The following KCNN3 variants were observed in gnomAD, a reference collection of about 807,000 sequenced individuals.
KCNN3 encodes small conductance calcium-activated potassium channel protein 3.
A neutral mutation model predicts 62.9 loss-of-function variants in KCNN3; 16 were observed. The observed-to-expected ratio is 0.25, with a 90% CI of 0.17 to 0.39. The LOEUF (loss-of-function observed/expected upper bound fraction) is 0.39, where lower values mean the gene tolerates loss of function less well. Among genes scored for constraint, KCNN3 ranks in the 10% least tolerant of loss-of-function variants. The probability of loss-of-function intolerance (pLI) is 1.00; values close to 1 mark genes in which losing one functional copy is unlikely to be tolerated. For missense variants in KCNN3, 599 were observed against 949.4 expected (o/e 0.63, Z 4.85); for synonymous variants, 370 against 389.2 (o/e 0.95, Z 0.58).
chr1:154,788,310 T>A (rs1197016498), intron 2 of KCNN3, among the ~76,000 whole-genome samples: 1 of 152,204 alleles, frequency 6.6e-6, no homozygotes, highest in African/African-American at 2.4e-5. Flanking sequence ...GCTGGCCATG[T>A]TGGAAGCACC....
chr1:154,732,210 C>T (rs1700610393), intron 4 of KCNN3, among the ~76,000 whole-genome samples: 1 of 152,230 alleles, frequency 6.6e-6, no homozygotes, highest in Non-Finnish European at 1.5e-5. Flanking sequence ...CCAGGGTCCA[C>T]AGTGAGCAGA....
intron 2 of KCNN3, among the ~76,000 whole-genome samples, chr1:154,812,526 C>A (rs900379321): frequency 6.6e-6 from 1 of 151,640 alleles, no homozygotes; most frequent in South Asian, 2.1e-4. Flanking sequence ...TTTGTCCTTG[C>A]GATAGTTTGC....
At chr1:154,768,963 C>T (rs1648420675) in intron 3 of KCNN3, among the ~76,000 whole-genome samples, 1 of 152,186 alleles carries the variant, frequency 6.6e-6, no homozygotes, top group South Asian at 2.1e-4. Context: ...GTGCAGGATT[C>T]AGCCTGGGTT....
chr1:154,766,409 C>A (rs1648274898), intron 3 of KCNN3, among the ~76,000 whole-genome samples: 1 of 35,692 alleles, frequency 2.8e-5, no homozygotes, highest in Non-Finnish European at 6.1e-5. Flanking sequence ...TAAATACTAG[C>A]CAGGCTTTAT....
At chr1:154,868,920 C>CAA in intron 1 of KCNN3, 112 bp downstream of exon 1, 1 of 1,061,504 alleles carries the variant, frequency 9.4e-7, no homozygotes, top group Non-Finnish European at 1.5e-6. Flanking sequence ...CTCTCTCTCT[C>CAA]TCTCTCTCTC....
At chr1:154,790,799 T>A (rs925614068) in intron 2 of KCNN3, among the ~76,000 whole-genome samples, 3 of 152,202 alleles carry the variant, frequency 2.0e-5, no homozygotes, top group African/African-American at 7.2e-5. Flanking sequence ...GTTTTAGACA[T>A]CCACCAGGGA....
intron 1 of KCNN3, among the ~76,000 whole-genome samples, chr1:154,837,878 G>A (rs1651657625): frequency 6.6e-6 from 1 of 152,212 alleles, no homozygotes; most frequent in Non-Finnish European, 1.5e-5. Flanking sequence ...CTGTCTCACT[G>A]AAGAGACACA....
At chr1:154,726,081 A>T in intron 4 of KCNN3, 55 bp from the exon 5 acceptor site, 1 of 1,359,434 alleles carries the variant, frequency 7.4e-7, no homozygotes, top group Non-Finnish European at 1.0e-6. Context: ...TTAAGAGGCA[A>T]GATGAGAGAC....
chr1:154,769,171 G>A (rs1371029260), intron 3 of KCNN3, among the ~76,000 whole-genome samples: 1 of 152,174 alleles, frequency 6.6e-6, no homozygotes, highest in Admixed American at 6.5e-5. Flanking sequence ...TCCAGGACCC[G>A]GGCTCTCCTT....
intron 3 of KCNN3, among the ~76,000 whole-genome samples, chr1:154,752,294 G>T (rs1647415766): frequency 6.6e-6 from 1 of 152,174 alleles, no homozygotes; most frequent in African/African-American, 2.4e-5. Context: ...CTAAAACGAA[G>T]ATCTACACTG....
chr1:154,851,008 C>G (rs866420050), intron 1 of KCNN3, among the ~76,000 whole-genome samples: 1 of 152,148 alleles, frequency 6.6e-6, no homozygotes, highest in Non-Finnish European at 1.5e-5. Context: ...GGCAGAGTCT[C>G]GCTCTGTCAC....
At chr1:154,725,687 G>A (rs546992648) in intron 5 of KCNN3, among the ~76,000 whole-genome samples, 18 of 152,208 alleles carry the variant, frequency 1.2e-4, no homozygotes, top group Non-Finnish European at 2.5e-4. Flanking sequence ...GGGACTACAG[G>A]TGTGTGCCAC....
intron 1 of KCNN3, among the ~76,000 whole-genome samples, chr1:154,850,583 G>A (rs926245490): frequency 6.6e-6 from 1 of 152,188 alleles, no homozygotes; most frequent in Non-Finnish European, 1.5e-5. Flanking sequence ...TTGGACATTT[G>A]GCGACATGGT....
At chr1:154,834,308 A>C (rs1651493299) in intron 1 of KCNN3, among the ~76,000 whole-genome samples, 1 of 152,232 alleles carries the variant, frequency 6.6e-6, no homozygotes, top group African/African-American at 2.4e-5. Flanking sequence ...CCACACACCA[A>C]CGTGGGCCAC....
At chr1:154,853,204 G>A (rs533732538) in intron 1 of KCNN3, among the ~76,000 whole-genome samples, 1 of 152,034 alleles carries the variant, frequency 6.6e-6, no homozygotes, top group Admixed American at 6.5e-5. Flanking sequence ...GTCCTGGCTG[G>A]TCTCAAACTC....
intron 2 of KCNN3, among the ~76,000 whole-genome samples, chr1:154,780,194 C>CTTTTTTTT (rs71077969): frequency 6.7e-3 from 685 of 101,802 alleles, no homozygotes; most frequent in South Asian, 0.01. Context: ...TTCTTTTTTT[C>CTTTTTTTT]TTTTTTTTTT....
At chr1:154,867,844 G>T (rs1301186901) in intron 1 of KCNN3, 3 of 475,534 alleles carry the variant, frequency 6.3e-6, no homozygotes, top group East Asian at 3.1e-4. Flanking sequence ...CAAATTGGGG[G>T]TGGGGGTATC....
chr1:154,846,235 T>G (rs1001538015), intron 1 of KCNN3, among the ~76,000 whole-genome samples: 20 of 152,196 alleles, frequency 1.3e-4, no homozygotes, highest in Admixed American at 2.6e-4. Context: ...CTCCACTCTC[T>G]TGCCTTACCC....
At position 154,698,555 on chromosome 1, in the gene KCNN3, C is replaced by CGA. The variant is rs1180224250; in HGVS notation, c.*9419_*9420dup. ...TTTGAGCACAGCAATGGAAACCTGG[C>CGA]GACTCTTCCTGGAGCTCTAGGGACT... On this transcript the variant is annotated 3_prime_UTR_variant, in exon 8 of 8. Transcript: ENST00000271915. 2 of 152,196 alleles carry CGA rather than the reference C, an allele frequency of 1.3e-5. No individual in the cohort carries two copies. Among genetic ancestry groups the CGA allele is most frequent in the Non-Finnish European group, 2.9e-5 (2 of 68,060 alleles). 9.4% of individuals were successfully genotyped at this position (152,196 alleles called of 1,614,324 possible).
Sources: allele counts gnomAD v4.1 joint callset (sites outside exome capture counted in the v4.1 genomes callset), GRCh38; gene constraint gnomAD v4.1.1; transcripts MANE v1.5; gene names NCBI Gene and HGNC (gene_info 2026-07-23, HGNC 2026-07-21).